NAA60: variants seen among roughly 807,000 people sequenced by gnomAD.
NAA60 encodes N-alpha-acetyltransferase 60.
A neutral mutation model predicts 26.1 loss-of-function variants in NAA60; 8 were observed. The ratio of observed to expected loss-of-function variants is 0.31; its 90% confidence interval spans 0.18 to 0.55. The LOEUF is 0.55. Ranked by LOEUF, NAA60 falls within the 20% of genes least tolerant of loss-of-function variation. The probability of loss-of-function intolerance (pLI) is 0.93; values close to 1 mark genes in which losing one functional copy is unlikely to be tolerated. For missense variants in NAA60, 290 were observed against 311.3 expected (o/e 0.93, Z 0.51); for synonymous variants, 131 against 122.5 (o/e 1.07, Z -0.46).
chr16:3,479,674 A>G (rs2036702269), intron 4 of NAA60, 74 bp downstream of exon 4: 4 of 1,545,710 alleles, frequency 2.6e-6, no homozygotes, highest in Admixed American at 3.6e-5. Context: ...CGATGGAATC[A>G]TGCTGCCTGC....
intron 4 of NAA60, among the ~76,000 whole-genome samples, chr16:3,481,250 A>G (rs2036811021): frequency 6.6e-6 from 1 of 151,806 alleles, no homozygotes; most frequent in Admixed American, 6.6e-5. Flanking sequence ...CCACCACACC[A>G]AGCTAATTTT....
intron 2 of NAA60, chr16:3,462,804 T>C (rs2035496445): frequency 6.6e-6 from 1 of 152,214 alleles, no homozygotes; most frequent in African/African-American, 2.4e-5. Context: ...GTGTTGCACA[T>C]GAATTCTTAC....
chr16:3,444,467 A>G (rs2034469458), intron 1 of NAA60, among the ~76,000 whole-genome samples: 1 of 152,198 alleles, frequency 6.6e-6, no homozygotes, highest in African/African-American at 2.4e-5. Flanking sequence ...AAAGACGAAA[A>G]TGATAGGTAC....
At position 3,484,893 on chromosome 16, in the gene NAA60, G is replaced by C; in HGVS notation, c.*38G>C. On this transcript the variant is annotated 3_prime_UTR_variant, in exon 7 of 8. Transcript: ENST00000407558. ...AGCCGCCACCAGGCCCCACCCTTCG[G>C]CCGCCCGCAGAGCCCGCCTTCCTGT... 6.5e-7 allele frequency: 1 copy of C among 1,549,376 alleles called. No homozygotes were observed.
At chr16:3,459,168 G>A (rs1002541748) in intron 2 of NAA60, among the ~76,000 whole-genome samples, 1 of 152,200 alleles carries the variant, frequency 6.6e-6, no homozygotes, top group Non-Finnish European at 1.5e-5. Flanking sequence ...AGAGAACATT[G>A]CCGTGTACAG....
chr16:3,456,251 T>C (rs1490263004), intron 2 of NAA60, among the ~76,000 whole-genome samples: 1 of 152,234 alleles, frequency 6.6e-6, no homozygotes, highest in Non-Finnish European at 1.5e-5. Context: ...CCATTCTGAC[T>C]CAGTCCAACT....
intron 3 of NAA60, among the ~76,000 whole-genome samples, chr16:3,477,427 A>G (rs951303775): frequency 6.6e-6 from 1 of 152,242 alleles, no homozygotes; most frequent in East Asian, 1.9e-4. Context: ...GGGCGGTGGC[A>G]GGGACCCCTG....
At position 3,468,472 on chromosome 16, in the gene NAA60, G is replaced by A. The variant is rs150703595; in HGVS notation, c.-6-7750G>A. Among the ~76,000 whole-genome samples the A allele has an allele frequency of 3.3e-5, 5 of 152,318 alleles. No individual in the cohort carries two copies. In the East Asian group the frequency reaches 7.7e-4, roughly 23 times the overall value. On this transcript the variant is annotated intron_variant, in intron 2 of 7. Coordinates refer to ENST00000407558, the MANE Select transcript of NAA60 (RefSeq NM_001083601.3). ...CTTGGCTCTGCCAGTTCAGACACCAGCCCCTTCCAGCTACTGCCAGTCCTT... is the reference window on the plus strand; with the variant it reads ...CTTGGCTCTGCCAGTTCAGACACCAACCCCTTCCAGCTACTGCCAGTCCTT...
At chr16:3,461,513 G>A (rs1292561572) in intron 2 of NAA60, among the ~76,000 whole-genome samples, 1 of 152,188 alleles carries the variant, frequency 6.6e-6, no homozygotes, top group Non-Finnish European at 1.5e-5. Context: ...AGAAGCCATC[G>A]CGAGAACTGG....
intron 2 of NAA60, among the ~76,000 whole-genome samples, chr16:3,452,288 T>C (rs2034816321): frequency 2.6e-5 from 4 of 152,080 alleles, no homozygotes; most frequent in Admixed American, 2.6e-4. Flanking sequence ...GGGTGTAGAG[T>C]CTTCACACTC....
chr16:3,445,567 G>A (rs1426893955), intron 1 of NAA60, among the ~76,000 whole-genome samples: 1 of 151,668 alleles, frequency 6.6e-6, no homozygotes, highest in African/African-American at 2.4e-5. Context: ...GAGCCACCGC[G>A]CCCCGCCTAT....
At chr16:3,460,229 C>T (rs1299759100) in intron 2 of NAA60, among the ~76,000 whole-genome samples, 1 of 152,216 alleles carries the variant, frequency 6.6e-6, no homozygotes, top group Non-Finnish European at 1.5e-5. Context: ...AGAAAGCTGG[C>T]TGTTTATCAG....
chr16:3,467,213 A>G lies in NAA60; in HGVS notation c.-6-9009A>G, dbSNP rs527968533. On this transcript the variant is annotated intron_variant, in intron 2 of 7. Transcript: ENST00000407558. ...GGAGAATCTTCAGGCCACGGCTGAGAAGCTGAAGCGTGTGGCGGGAGATCC... is the reference window on the plus strand; with the variant it reads ...GGAGAATCTTCAGGCCACGGCTGAGGAGCTGAAGCGTGTGGCGGGAGATCC... Among the ~76,000 whole-genome samples, 9 of 152,184 alleles carry G rather than the reference A, an allele frequency of 5.9e-5. No homozygotes were observed. The South Asian group carries it at 1.9e-3, about 32-fold the overall frequency.
chr16:3,467,040 C>G (rs972169178), intron 2 of NAA60, among the ~76,000 whole-genome samples: 13 of 151,756 alleles, frequency 8.6e-5, no homozygotes, highest in African/African-American at 3.1e-4. Context: ...GACAGCCTGT[C>G]AGAGGTGCGG....
intron 2 of NAA60, among the ~76,000 whole-genome samples, chr16:3,455,241 T>C (rs1236036490): frequency 1.3e-5 from 2 of 152,084 alleles, no homozygotes; most frequent in Non-Finnish European, 2.9e-5. Context: ...GTTGTATTTT[T>C]AGTAGAGATG....
chr16:3,448,881 A>T, intron 2 of NAA60: 2 of 217,094 alleles, frequency 9.2e-6, no homozygotes, highest in South Asian at 6.3e-5. Context: ...GGAGAACGAG[A>T]CTCTCCCAGT....
At chr16:3,480,854 A>G (rs2036786673) in intron 4 of NAA60, among the ~76,000 whole-genome samples, 1 of 152,302 alleles carries the variant, frequency 6.6e-6, no homozygotes, top group South Asian at 2.1e-4. Flanking sequence ...GGTTGCAGTG[A>G]GCGGAGATTG....
At chr16:3,457,870 G>C in intron 2 of NAA60, 2 of 660,868 alleles carry the variant, frequency 3.0e-6, no homozygotes, top group Non-Finnish European at 3.8e-6. Flanking sequence ...CCAGTGCCCC[G>C]CATACGGGAT....
chr16:3,461,681 T>C (rs527968570), intron 2 of NAA60, among the ~76,000 whole-genome samples: 5 of 152,252 alleles, frequency 3.3e-5, no homozygotes, highest in African/African-American at 1.2e-4. Flanking sequence ...TAAACAAAGA[T>C]TTAAAGTTGC....
Sources: gnomAD v4.1 joint callset for allele counts (sites outside exome capture counted in the v4.1 genomes callset) on GRCh38, gnomAD v4.1.1 for gene constraint, MANE v1.5 for transcripts, NCBI Gene and HGNC (gene_info 2026-07-23, HGNC 2026-07-21) for gene names.